The following ABCC1 variants were observed in gnomAD, a reference collection of about 807,000 sequenced individuals.
ABCC1 encodes multidrug resistance-associated protein 1.
A neutral mutation model predicts 172.9 loss-of-function variants in ABCC1; 83 were observed. The ratio of observed to expected loss-of-function variants is 0.48; its 90% CI spans 0.40 to 0.58. ABCC1 has a LOEUF of 0.58. ABCC1 is among the 20% of genes least tolerant of loss of function. The pLI, the probability that ABCC1 is intolerant of heterozygous loss-of-function variation, is 0.00. For missense variants in ABCC1, 1,817 were observed against 2,002.7 expected, an observed-to-expected ratio of 0.91 and a Z score of 1.77; for synonymous variants, 937 against 825.2, an observed-to-expected ratio of 1.14 and a Z score of -2.32.
chr16:15,955,379 G>T lies in ABCC1; in HGVS notation c.48+5580G>T, dbSNP rs544390462. ...TCAAAAAAAAAGAAAACAGCCACCT[G>T]TTCGCTGCTGTGCCTACTCTGCCCT... On this transcript the variant is annotated intron_variant, in intron 1 of 30. Transcript: ENST00000399410. 2.6e-5 allele frequency among the ~76,000 whole-genome samples: 4 copies of T among 152,242 alleles called. No individual in the cohort carries two copies. In the South Asian group the frequency reaches 6.2e-4, roughly 24 times the overall value.
intron 28 of ABCC1, among the ~76,000 whole-genome samples, chr16:16,135,335 T>C (rs541780509): frequency 4.6e-5 from 7 of 152,330 alleles, no homozygotes; most frequent in African/African-American, 1.4e-4. Context: ...TCCCCACTTA[T>C]GGAGGCTCCA....
At chr16:16,041,657 C>G (rs966012397) in intron 7 of ABCC1, among the ~76,000 whole-genome samples, 3 of 152,120 alleles carry the variant, frequency 2.0e-5, no homozygotes, top group Admixed American at 2.0e-4. Context: ...TTTTGTTAAC[C>G]AGAGAAAGGA....
chr16:16,136,489 G>A lies in ABCC1; in HGVS notation c.4137G>A (p.Leu1379=). The A allele has an allele frequency of 6.2e-7, 1 of 1,614,142 alleles. No homozygotes were observed. The highest frequency in any genetic ancestry group is 8.5e-7 in the Non-Finnish European group (1 of 1,180,032). ...TTCTCTCTGAACAGGACCCTGTTTT[G>A]TTTTCGGGTTCCCTCCGAATGAACC... ...KITIIPQDPV[L]FSGSLRMNLD... The change falls in exon 29 of 31, where the codon TTG becomes TTA. Residue 1379 remains leucine, a synonymous_variant. Coordinates refer to ENST00000399410, the MANE Select transcript of ABCC1 (RefSeq NM_004996.4).
chr16:15,996,794 G>T (rs12927980), intron 1 of ABCC1, among the ~76,000 whole-genome samples: 13,380 of 152,224 alleles, frequency 0.088, 692 homozygotes, highest in Middle Eastern at 0.15. Context: ...CAGGAAGGCA[G>T]GTCAAGGCCA....
intron 19 of ABCC1, among the ~76,000 whole-genome samples, chr16:16,101,868 C>T (rs1396869843): frequency 6.6e-6 from 1 of 152,206 alleles, no homozygotes; most frequent in East Asian, 1.9e-4. Context: ...GGGATCAGGG[C>T]AGATATCCAG....
intron 11 of ABCC1, among the ~76,000 whole-genome samples, chr16:16,053,685 G>A (rs2049522504): frequency 1.4e-5 from 2 of 145,466 alleles, no homozygotes; most frequent in South Asian, 4.4e-4. Flanking sequence ...TACTTGGGAG[G>A]CTGAAGCATG....
intron 19 of ABCC1, among the ~76,000 whole-genome samples, chr16:16,091,477 C>A (rs2051255483): frequency 6.6e-6 from 1 of 150,608 alleles, no homozygotes; most frequent in South Asian, 2.1e-4. Flanking sequence ...ATGCCATGGG[C>A]TGAGGAGTGA....
At chr16:16,122,565 A>T (rs760811817) in intron 24 of ABCC1, among the ~76,000 whole-genome samples, 8 of 152,122 alleles carry the variant, frequency 5.3e-5, no homozygotes, top group Non-Finnish European at 1.2e-4. Context: ...ATTTACTAAT[A>T]CTAAGCTAAA....
intron 1 of ABCC1, among the ~76,000 whole-genome samples, chr16:15,988,938 G>GT (rs909639309): frequency 2.0e-5 from 3 of 151,860 alleles, no homozygotes; most frequent in African/African-American, 7.3e-5. Context: ...GCTTGGTGGT[G>GT]TGCACCTCTA....
In ABCC1 at chr16:16,141,746, C is replaced by T. The variant is rs1324175367; in HGVS notation, c.*465C>T. On this transcript the variant is annotated 3_prime_UTR_variant, in exon 31 of 31. Transcript: ENST00000399410. The stretch of plus-strand genomic sequence containing the variant: ...CTCCCATCACCTCTAACATCCTTGT[C>T]TGGGTCTACCAGGAACGCTTCATTT... 2 of 163,358 alleles carry T rather than the reference C, an allele frequency of 1.2e-5. No homozygotes were observed. Among genetic ancestry groups the T allele is most frequent in the African/African-American group, 2.4e-5 (1 of 41,780 alleles). 10.1% of individuals were successfully genotyped at this position (163,358 alleles called of 1,614,324 possible).
intron 1 of ABCC1, among the ~76,000 whole-genome samples, chr16:16,006,007 A>G (rs762160249): frequency 7.1e-6 from 1 of 140,840 alleles, no homozygotes; most frequent in East Asian, 2.0e-4. Context: ...AAAAAAAAAT[A>G]AAAATAAAAA....
At chr16:16,010,060 T>TTTTTTTTTTA (rs869032140) in intron 3 of ABCC1, among the ~76,000 whole-genome samples, 159 bp downstream of exon 3, 1 of 139,822 alleles carries the variant, frequency 7.2e-6, no homozygotes, top group African/African-American at 2.7e-5. Flanking sequence ...TTTTTTTTTT[T>TTTTTTTTTTA]AAAGACATGA....
intron 5 of ABCC1, among the ~76,000 whole-genome samples, chr16:16,018,380 C>T (rs1190914180): frequency 1.3e-5 from 2 of 152,092 alleles, no homozygotes; most frequent in East Asian, 1.9e-4. Flanking sequence ...GAAATGCCAT[C>T]TCTGCTAAAA....
intron 18 of ABCC1, 59 bp from the exon 19 acceptor site, chr16:16,090,346 C>T: frequency 6.8e-7 from 1 of 1,476,220 alleles, no homozygotes; most frequent in Non-Finnish European, 9.0e-7. Context: ...TTCACTCTGC[C>T]AAGCTAGGCA....
chr16:16,039,752 T>G (rs1242376313), intron 7 of ABCC1, among the ~76,000 whole-genome samples: 1 of 152,152 alleles, frequency 6.6e-6, no homozygotes, highest in Non-Finnish European at 1.5e-5. Context: ...TATGATTGTT[T>G]TGAGAAGGTC....
intron 18 of ABCC1, among the ~76,000 whole-genome samples, chr16:16,088,486 C>T (rs932218955): frequency 3.9e-5 from 6 of 152,154 alleles, no homozygotes; most frequent in Non-Finnish European, 7.4e-5. Flanking sequence ...AGTCCCTCTT[C>T]ATCCTGCATC....
intron 29 of ABCC1, 109 bp from the exon 30 acceptor site, chr16:16,138,255 G>T: frequency 9.6e-7 from 1 of 1,039,038 alleles, no homozygotes; most frequent in South Asian, 1.7e-5. Flanking sequence ...TGCTTTCCTG[G>T]TCAAGCAACA....
intron 19 of ABCC1, among the ~76,000 whole-genome samples, chr16:16,096,081 A>G (rs906349185): frequency 1.3e-5 from 2 of 152,278 alleles, no homozygotes; most frequent in Admixed American, 6.5e-5. Flanking sequence ...AGCCTCGCCA[A>G]CATGGTGAAA....
chr16:16,112,157 G>C (rs918726326), intron 22 of ABCC1, among the ~76,000 whole-genome samples: 1 of 152,086 alleles, frequency 6.6e-6, no homozygotes, highest in Admixed American at 6.6e-5. Flanking sequence ...TTCGAGACCA[G>C]CCTGGGCAAC....
Sources: gnomAD v4.1 joint callset for allele counts (sites outside exome capture counted in the v4.1 genomes callset) on GRCh38, gnomAD v4.1.1 for gene constraint, MANE v1.5 for transcripts, NCBI Gene and HGNC (gene_info 2026-07-23, HGNC 2026-07-21) for gene names.